Variants in MECOM observed in about 807,000 individuals in gnomAD.
MECOM encodes histone-lysine N-methyltransferase MECOM.
In MECOM, 13 loss-of-function variants were observed where a neutral mutation model predicts 116.3. The observed-to-expected ratio is 0.11, with a 90% confidence interval of 0.07 to 0.18. MECOM has a LOEUF of 0.18. MECOM is among the 10% of genes least tolerant of loss of function. The pLI is 1.00. For synonymous variants in MECOM, 528 were observed against 535.2 expected (o/e 0.99, Z 0.19); for missense variants, 1,299 against 1,509.0 (o/e 0.86, Z 2.31).
intron 2 of MECOM, among the ~76,000 whole-genome samples, chr3:169,228,486 A>C (rs1257776558): frequency 6.6e-6 from 1 of 152,218 alleles, no homozygotes; most frequent in Non-Finnish European, 1.5e-5. Flanking sequence ...GGGCTTTAAA[A>C]AAGGGGAGTT....
At chr3:169,153,947 C>A (rs896884053) in intron 2 of MECOM, among the ~76,000 whole-genome samples, 1 of 152,196 alleles carries the variant, frequency 6.6e-6, no homozygotes, top group Non-Finnish European at 1.5e-5. Context: ...CTGGCCTATA[C>A]TTTGGGGAAC....
intron 1 of MECOM, among the ~76,000 whole-genome samples, chr3:169,453,678 G>T (rs774069811): frequency 3.3e-5 from 5 of 152,142 alleles, no homozygotes; most frequent in Non-Finnish European, 7.4e-5. Flanking sequence ...GAAGCATATG[G>T]CAGGACACTG....
At chr3:169,358,061 CA>C (rs1230172600) in intron 2 of MECOM, among the ~76,000 whole-genome samples, 1 of 151,708 alleles carries the variant, frequency 6.6e-6, no homozygotes, top group Non-Finnish European at 1.5e-5. Context: ...TGCATGCAAA[CA>C]AAACCTCCCT....
chr3:169,162,751 G>A (rs1046847796), intron 2 of MECOM, among the ~76,000 whole-genome samples: 20 of 152,076 alleles, frequency 1.3e-4, no homozygotes, highest in African/African-American at 4.6e-4. Flanking sequence ...TTAATTTTCC[G>A]ATGGATTCCA....
Position 169,108,166 on chromosome 3 carries a change from G to A in MECOM, c.2578-214C>T, listed in dbSNP as rs116215516. 1.9e-3 allele frequency among the ~76,000 whole-genome samples: 282 copies of A among 152,172 alleles called. 2 individuals carry two copies. The highest frequency in any genetic ancestry group is 3.4e-3 in the Middle Eastern group (1 of 294). On this transcript the variant is annotated intron_variant, in intron 9 of 16. Transcript: ENST00000651503. ...TACCTAAATGGAATGTTTGAATCAA[G>A]GTTAATTTCCACAAGAAAGCTAAAT...
intron 2 of MECOM, among the ~76,000 whole-genome samples, chr3:169,235,561 A>C (rs989992755): frequency 1.3e-5 from 2 of 152,174 alleles, no homozygotes; most frequent in Admixed American, 6.6e-5. Context: ...AATAATAAAA[A>C]AGTAAAATTT....
At chr3:169,167,732 T>C (rs776809197) in intron 2 of MECOM, among the ~76,000 whole-genome samples, 4 of 151,950 alleles carry the variant, frequency 2.6e-5, no homozygotes, top group Non-Finnish European at 5.9e-5. Flanking sequence ...TATAGAAAAA[T>C]TGATTGTGTA....
chr3:169,102,281 A>G (rs1291818052), intron 10 of MECOM, 55 bp from the exon 11 acceptor site: 2 of 1,510,460 alleles, frequency 1.3e-6, no homozygotes, highest in East Asian at 2.3e-5. Flanking sequence ...CTTCTATAAT[A>G]ATCTCTGGCA....
At chr3:169,662,810 C>T (rs1425221120) in intron 1 of MECOM, among the ~76,000 whole-genome samples, 1 of 152,014 alleles carries the variant, frequency 6.6e-6, no homozygotes, top group Admixed American at 6.5e-5. Context: ...TCCCTCTGAG[C>T]CGCCTACCCT....
intron 2 of MECOM, among the ~76,000 whole-genome samples, chr3:169,176,370 G>C (rs2149384446): frequency 6.6e-6 from 1 of 152,162 alleles, no homozygotes; most frequent in South Asian, 2.1e-4. Flanking sequence ...ATGAGGAAAG[G>C]ATCTCCTATT....
intron 2 of MECOM, among the ~76,000 whole-genome samples, chr3:169,206,595 C>G (rs9812029): frequency 0.88 from 133,927 of 151,830 alleles, 59,325 homozygotes; most frequent in East Asian, 0.99. Flanking sequence ...CTACTAAAAA[C>G]TACAAAAATT....
intron 2 of MECOM, among the ~76,000 whole-genome samples, chr3:169,253,692 CA>C (rs1333006580): frequency 6.6e-6 from 1 of 151,724 alleles, no homozygotes; most frequent in African/African-American, 2.4e-5. Context: ...CTTTTTTCCC[CA>C]GAAAGAAAAG....
chr3:169,117,713 AT>A (rs1313551095), intron 7 of MECOM, among the ~76,000 whole-genome samples: 21 of 152,210 alleles, frequency 1.4e-4, no homozygotes, highest in African/African-American at 4.8e-4. Flanking sequence ...TTTGCTAAGA[AT>A]TTGTCAATAA....
intron 12 of MECOM, among the ~76,000 whole-genome samples, chr3:169,096,113 C>T (rs1721365411): frequency 6.6e-6 from 1 of 151,952 alleles, no homozygotes; most frequent in Non-Finnish European, 1.5e-5. Context: ...GCCTCCTTCC[C>T]CTAGCTCTCA....
At chr3:169,189,483 T>G (rs1029233396) in intron 2 of MECOM, among the ~76,000 whole-genome samples, 1 of 152,056 alleles carries the variant, frequency 6.6e-6, no homozygotes, top group Non-Finnish European at 1.5e-5. Context: ...GCCCTGCATC[T>G]TCTGGAGAAT....
intron 1 of MECOM, among the ~76,000 whole-genome samples, chr3:169,417,751 A>G (rs1738923336): frequency 6.6e-6 from 1 of 152,064 alleles, no homozygotes; most frequent in East Asian, 1.9e-4. Context: ...AATGTGGCAC[A>G]TATACACCAT....
chr3:169,619,836 T>C (rs530485228), intron 1 of MECOM, among the ~76,000 whole-genome samples: 24 of 152,196 alleles, frequency 1.6e-4, no homozygotes, highest in Non-Finnish European at 2.8e-4. Flanking sequence ...CACACCACCC[T>C]GTAGGAGGTG....
chr3:169,551,558 A>G (rs1178725272), intron 1 of MECOM, among the ~76,000 whole-genome samples: 1 of 152,204 alleles, frequency 6.6e-6, no homozygotes, highest in Non-Finnish European at 1.5e-5. Flanking sequence ...CTTCTCTTTC[A>G]TTTCCAATCA....
At chr3:169,178,290 G>A (rs1020099959) in intron 2 of MECOM, among the ~76,000 whole-genome samples, 5 of 152,220 alleles carry the variant, frequency 3.3e-5, no homozygotes, top group African/African-American at 1.2e-4. Flanking sequence ...CCGCATGAGT[G>A]ATTATACGAA....
Sources: allele counts gnomAD v4.1 joint callset (sites outside exome capture counted in the v4.1 genomes callset), GRCh38; gene constraint gnomAD v4.1.1; transcripts MANE v1.5; gene names NCBI Gene and HGNC (gene_info 2026-07-23, HGNC 2026-07-21).